The following BCKDHB variants were observed in gnomAD, a reference collection of about 807,000 sequenced individuals.
BCKDHB encodes the protein branched chain keto acid dehydrogenase E1 subunit beta.
BCKDHB carries 41 observed loss-of-function variants against 48.5 expected under a neutral mutation model. The ratio of observed to expected loss-of-function variants is 0.85; its 90% CI spans 0.66 to 1.10. The LOEUF is 1.10. BCKDHB is among the 50% of genes least tolerant of loss of function. The probability of loss-of-function intolerance (pLI) is 0.00; values close to 1 mark genes in which losing one functional copy is unlikely to be tolerated. For missense variants in BCKDHB, 496 were observed against 494.2 expected (o/e 1.00, Z -0.03); for synonymous variants, 201 against 174.8 (o/e 1.15, Z -1.18).
chr6:80,409,575 CATATATATATATATATATATATATAT>C, the BCKDHB span, among the ~76,000 whole-genome samples: 774 of 50,366 alleles, frequency 0.015, 35 homozygotes, highest in Middle Eastern at 0.048. Context: ...GTATTGGTTG[CATATATATATATATATATATATATAT>C]ATATATATAT....
chr6:80,177,459 T>C (rs1010939638), intron 6 of BCKDHB, among the ~76,000 whole-genome samples: 1 of 151,688 alleles, frequency 6.6e-6, no homozygotes, highest in Non-Finnish European at 1.5e-5. Flanking sequence ...CAGAATATAA[T>C]CTAGAGAGAT....
In BCKDHB at chr6:80,206,541, TTGTG is replaced by T. The variant is rs35972426; in HGVS notation, c.951+3353_951+3356del. On this transcript the variant is annotated intron_variant, in intron 8 of 9. Transcript: ENST00000320393. ...AGGGTGGAGAATTACCCTAGAAAGT[TTGTG>T]TGTGTGTGTGTGTGTGTGTGTGTAC... 6.2e-5 allele frequency among the ~76,000 whole-genome samples: 9 copies of T among 145,720 alleles called. No homozygotes were observed. In the South Asian group the frequency reaches 8.7e-4, roughly 14 times the overall value.
chr6:80,222,534 A>G (rs867422503), intron 8 of BCKDHB, among the ~76,000 whole-genome samples: 3 of 152,114 alleles, frequency 2.0e-5, no homozygotes, highest in African/African-American at 7.2e-5. Context: ...AAGATCTGAT[A>G]AGTCTTTCAA....
chr6:80,115,698 G>A (rs562100780), intron 1 of BCKDHB, among the ~76,000 whole-genome samples: 465 of 151,316 alleles, frequency 3.1e-3, no homozygotes, highest in Middle Eastern at 0.014. Flanking sequence ...GTGCAGTGGC[G>A]CGATCTTGGC....
the BCKDHB span, chr6:80,356,952 G>GCCC: frequency 1.8e-4 from 16 of 90,358 alleles, no homozygotes; most frequent in African/African-American, 8.1e-4. Context: ...CCCCGCCCCC[G>GCCC]CCCCCCCCCC....
At chr6:80,364,151 CAT>C in the BCKDHB span, among the ~76,000 whole-genome samples, 5 of 152,302 alleles carry the variant, frequency 3.3e-5, no homozygotes, top group South Asian at 6.2e-4. Context: ...GTGTATGAAT[CAT>C]GTGCAATAAG....
intron 8 of BCKDHB, among the ~76,000 whole-genome samples, chr6:80,220,405 GT>G (rs58469565): frequency 0.19 from 6,548 of 33,800 alleles, 548 homozygotes; most frequent in South Asian, 0.37. Context: ...CTTTAGTAGT[GT>G]TTTTTTTTTT....
In BCKDHB at chr6:80,312,897, T is replaced by C. The variant is rs141407795; in HGVS notation, c.1039-30767T>C. 4.1e-3 allele frequency among the ~76,000 whole-genome samples: 626 copies of C among 152,290 alleles called. 4 individuals carry two copies. Among genetic ancestry groups the C allele is most frequent in the Admixed American group, 6.9e-3 (105 of 15,300 alleles). On this transcript the variant is annotated intron_variant, in intron 9 of 9. Coordinates refer to ENST00000320393, the MANE Select transcript of BCKDHB (RefSeq NM_183050.4). ...GATATTGGCCTAAAGTTTTTTGTTG[T>C]TGTATCTCTTCCAGGTTTTGGTATC...
intron 9 of BCKDHB, among the ~76,000 whole-genome samples, chr6:80,301,949 A>G (rs1364358061): frequency 6.6e-6 from 1 of 152,164 alleles, no homozygotes; most frequent in Non-Finnish European, 1.5e-5. Context: ...GATAAAATTC[A>G]TATCTCTTTA....
At chr6:80,133,426 A>G (rs747379516) in intron 3 of BCKDHB, among the ~76,000 whole-genome samples, 23 of 152,198 alleles carry the variant, frequency 1.5e-4, no homozygotes, top group Non-Finnish European at 2.8e-4. Context: ...TGATAGAACA[A>G]AATAGTATGA....
At chr6:80,141,581 T>C (rs1771215389) in intron 3 of BCKDHB, among the ~76,000 whole-genome samples, 2 of 152,098 alleles carry the variant, frequency 1.3e-5, no homozygotes, top group South Asian at 2.1e-4. Flanking sequence ...CTCAATCTTA[T>C]TTGACAATGG....
chr6:80,282,547 T>G (rs547225297), intron 9 of BCKDHB, among the ~76,000 whole-genome samples: 2 of 152,260 alleles, frequency 1.3e-5, no homozygotes, highest in South Asian at 4.1e-4. Context: ...ATTTGTCCAC[T>G]TGATGAATGT....
the BCKDHB span, among the ~76,000 whole-genome samples, chr6:80,456,424 AC>A: frequency 2.0e-5 from 3 of 152,036 alleles, no homozygotes; most frequent in African/African-American, 7.2e-5. Flanking sequence ...CATCATTCAC[AC>A]TTCCTTTCCT....
chr6:80,447,190 T>C, the BCKDHB span, among the ~76,000 whole-genome samples: 1 of 152,148 alleles, frequency 6.6e-6, no homozygotes, highest in Non-Finnish European at 1.5e-5. Flanking sequence ...CCTGGCCCTT[T>C]TGTGCCACCA....
At chr6:80,327,050 A>G (rs1401680434) in intron 9 of BCKDHB, among the ~76,000 whole-genome samples, 1 of 152,126 alleles carries the variant, frequency 6.6e-6, no homozygotes, top group African/African-American at 2.4e-5. Flanking sequence ...ACCTGTGCCT[A>G]TGTTTTAAAA....
the BCKDHB span, among the ~76,000 whole-genome samples, chr6:80,373,026 C>T: frequency 1.3e-5 from 2 of 152,088 alleles, no homozygotes; most frequent in Admixed American, 6.6e-5. Flanking sequence ...AGGATTGGTA[C>T]CAATTCTTCT....
the BCKDHB span, among the ~76,000 whole-genome samples, chr6:80,366,464 C>T: frequency 6.6e-6 from 1 of 152,024 alleles, no homozygotes; most frequent in Non-Finnish European, 1.5e-5. Context: ...GAAAAAAATC[C>T]AAAAGGAAAA....
the BCKDHB span, among the ~76,000 whole-genome samples, chr6:80,457,817 G>A: frequency 6.6e-6 from 1 of 152,134 alleles, no homozygotes; most frequent in Non-Finnish European, 1.5e-5. Flanking sequence ...ACTCAAAAGT[G>A]CCAGTGGCCA....
rs182847013 is a variant in BCKDHB, at chr6:80,340,257, G to C, written c.1039-3407G>C. Reference sequence around the variant, plus strand: ...CACATTGCCAACAGAATATATGTAGGCGGTACTAAATTGTTGTTTTGGGGT... The same window carrying C: ...CACATTGCCAACAGAATATATGTAGCCGGTACTAAATTGTTGTTTTGGGGT... On this transcript the variant is annotated intron_variant, in intron 9 of 9. Coordinates refer to ENST00000320393, the MANE Select transcript of BCKDHB (RefSeq NM_183050.4). Among the ~76,000 whole-genome samples, 107 of 152,256 alleles carry C rather than the reference G, an allele frequency of 7.0e-4. 1 individual carries two copies. The highest frequency in any genetic ancestry group is 2.4e-3 in the African/African-American group (101 of 41,552).
Sources: gnomAD v4.1 joint callset for allele counts (sites outside exome capture counted in the v4.1 genomes callset) on GRCh38, gnomAD v4.1.1 for gene constraint, MANE v1.5 for transcripts, NCBI Gene and HGNC (gene_info 2026-07-23, HGNC 2026-07-21) for gene names.